The following RPS6KA6 variants were observed in gnomAD, a reference collection of about 807,000 sequenced individuals.
RPS6KA6 encodes the protein ribosomal protein S6 kinase A6.
In RPS6KA6, 27 loss-of-function variants were observed where a neutral mutation model predicts 65.4. That is an observed-to-expected ratio of 0.41 (90% CI 0.30 to 0.57). RPS6KA6 has a LOEUF of 0.57. Among genes scored for constraint, RPS6KA6 ranks in the 20% least tolerant of loss-of-function variants. The pLI, the probability that RPS6KA6 is intolerant of heterozygous loss-of-function variation, is 0.24. For missense variants in RPS6KA6, 486 were observed against 555.6 expected, an observed-to-expected ratio of 0.87 and a Z score of 1.26; for synonymous variants, 190 against 184.2, an observed-to-expected ratio of 1.03 and a Z score of -0.26.
chrX:84,171,281 G>A (rs2035679044), intron 1 of RPS6KA6, among the ~76,000 whole-genome samples: 1 of 111,251 alleles, frequency 9.0e-6, no homozygotes, highest in South Asian at 3.8e-4. Flanking sequence ...CCAGATTCCT[G>A]ATCCATAGAA....
chrX:84,084,514 G>T (rs1294660693), intron 20 of RPS6KA6, among the ~76,000 whole-genome samples: 1 of 111,732 alleles, frequency 8.9e-6, no homozygotes, highest in African/African-American at 3.3e-5. Flanking sequence ...AAGATCAGAT[G>T]GTTGTAGATG....
chrX:84,117,590 C>T, intron 9 of RPS6KA6, 136 bp from the exon 10 acceptor site: 1 of 348,625 alleles, frequency 2.9e-6, no homozygotes, highest in Non-Finnish European at 4.8e-6. Context: ...AAAATGGGAC[C>T]AGAAAACTAG....
At position 84,059,482 on chromosome X, in the gene RPS6KA6, A is replaced by G. The variant is rs1230354987; in HGVS notation, c.*4795T>C. 2.7e-5 allele frequency: 3 copies of G among 111,628 alleles called. No homozygotes were observed. The highest frequency in any genetic ancestry group is 3.8e-5 in the Non-Finnish European group (2 of 53,182). 9.2% of individuals were successfully genotyped at this position (111,628 alleles called of 1,213,427 possible). ...CTGTTAAAAATAATTTTATCATACTAAAAAACAAAACACTACATATTTGTT... is the reference window on the plus strand; with the variant it reads ...CTGTTAAAAATAATTTTATCATACTGAAAAACAAAACACTACATATTTGTT... On this transcript the variant is annotated 3_prime_UTR_variant, in exon 22 of 22. Transcript: ENST00000262752.
chrX:84,141,024 G>A (rs984946064), intron 6 of RPS6KA6, among the ~76,000 whole-genome samples: 6 of 109,948 alleles, frequency 5.5e-5, no homozygotes, highest in Admixed American at 9.8e-5. Context: ...TTAAACACAA[G>A]GCCCAAAATG....
At chrX:84,135,913 C>T (rs1026736928) in intron 6 of RPS6KA6, among the ~76,000 whole-genome samples, 2 of 111,625 alleles carry the variant, frequency 1.8e-5, no homozygotes, top group African/African-American at 6.5e-5. Context: ...TCAGAATTGG[C>T]AGTGTAATAT....
At chrX:84,093,335 A>G (rs1233883237) in intron 20 of RPS6KA6, among the ~76,000 whole-genome samples, 1 of 112,333 alleles carries the variant, frequency 8.9e-6, no homozygotes, top group African/African-American at 3.2e-5. Context: ...AGGTTATGGG[A>G]AACTGAACAA....
chrX:84,127,152 T>C (rs2034807808), intron 8 of RPS6KA6, among the ~76,000 whole-genome samples: 2 of 110,941 alleles, frequency 1.8e-5, no homozygotes, highest in Non-Finnish European at 3.8e-5. Flanking sequence ...AAAGGAAATA[T>C]TACGACTGAT....
At chrX:84,162,835 A>T (rs2035534747) in intron 2 of RPS6KA6, among the ~76,000 whole-genome samples, 1 of 112,331 alleles carries the variant, frequency 8.9e-6, no homozygotes, top group South Asian at 3.7e-4. Flanking sequence ...AACTGTAGAC[A>T]AATCTCTAGA....
intron 8 of RPS6KA6, among the ~76,000 whole-genome samples, chrX:84,128,386 T>C (rs1278498284): frequency 9.0e-6 from 1 of 111,389 alleles, no homozygotes; most frequent in Non-Finnish European, 1.9e-5. Context: ...ATATTCCAAG[T>C]TCATGAATTG....
intron 1 of RPS6KA6, among the ~76,000 whole-genome samples, chrX:84,181,115 G>A (rs1052065479): frequency 2.0e-4 from 22 of 111,364 alleles, no homozygotes; most frequent in Admixed American, 1.5e-3. Context: ...TTTGTATTGG[G>A]TGTTTAAATT....
intron 8 of RPS6KA6, among the ~76,000 whole-genome samples, chrX:84,131,636 T>C (rs2147505512): frequency 8.9e-6 from 1 of 111,930 alleles, no homozygotes; most frequent in South Asian, 3.7e-4. Context: ...CAGAGTTCCT[T>C]TGCCGTACTA....
chrX:84,087,829 A>G (rs1298015096), intron 20 of RPS6KA6, among the ~76,000 whole-genome samples: 3 of 111,793 alleles, frequency 2.7e-5, no homozygotes, highest in Non-Finnish European at 3.8e-5. Flanking sequence ...ACATAGTCCC[A>G]TATTTCTCTG....
intron 1 of RPS6KA6, among the ~76,000 whole-genome samples, chrX:84,169,469 T>C (rs1468435723): frequency 1.8e-5 from 2 of 108,790 alleles, no homozygotes; most frequent in Non-Finnish European, 3.8e-5. Flanking sequence ...GAATTGGAGG[T>C]GGTATGGGAT....
intron 6 of RPS6KA6, 148 bp from the exon 7 acceptor site, chrX:84,135,358 T>C (rs1368975327): frequency 7.5e-6 from 3 of 402,590 alleles, no homozygotes; most frequent in African/African-American, 5.1e-5. Context: ...GGCATAATTA[T>C]TGGCAATACC....
chrX:84,130,463 T>C (rs1411597453), intron 8 of RPS6KA6, among the ~76,000 whole-genome samples: 2 of 111,813 alleles, frequency 1.8e-5, no homozygotes, highest in African/African-American at 6.5e-5. Context: ...CTTAGTTAAA[T>C]ATACTCAACA....
intron 20 of RPS6KA6, among the ~76,000 whole-genome samples, chrX:84,070,103 T>C (rs1316873627): frequency 2.7e-5 from 3 of 112,324 alleles, no homozygotes; most frequent in Non-Finnish European, 5.6e-5. Flanking sequence ...TAAAGACACA[T>C]GCACATTTAT....
At chrX:84,164,122 G>T (rs1040009134) in intron 2 of RPS6KA6, among the ~76,000 whole-genome samples, 5 of 111,969 alleles carry the variant, frequency 4.5e-5, no homozygotes, top group African/African-American at 1.6e-4. Flanking sequence ...CAATAAAGCT[G>T]TTTATTTTTA....
chrX:84,116,424 T>C, intron 11 of RPS6KA6, 137 bp from the exon 12 acceptor site: 1 of 347,361 alleles, frequency 2.9e-6, no homozygotes, highest in Non-Finnish European at 5.1e-6. Context: ...ATTTCTTATC[T>C]GGCATTTTAT....
intron 6 of RPS6KA6, among the ~76,000 whole-genome samples, chrX:84,142,226 G>GA (rs995635746): frequency 9.0e-6 from 1 of 111,546 alleles, no homozygotes; most frequent in Non-Finnish European, 1.9e-5. Context: ...ATATGTGAAA[G>GA]AATGCCCAAA....
Sources: allele counts gnomAD v4.1 joint callset (sites outside exome capture counted in the v4.1 genomes callset), GRCh38; gene constraint gnomAD v4.1.1; transcripts MANE v1.5; gene names NCBI Gene and HGNC (gene_info 2026-07-23, HGNC 2026-07-21).